The following HACE1 variants were observed in gnomAD, a reference collection of about 807,000 sequenced individuals.
HACE1 encodes the protein E3 ubiquitin-protein ligase HACE1.
HACE1 carries 73 observed loss-of-function variants against 118.4 expected under a neutral mutation model. The ratio of observed to expected loss-of-function variants is 0.62; its 90% CI spans 0.51 to 0.75. The LOEUF is 0.75. Among genes scored for constraint, HACE1 ranks in the 30% least tolerant of loss-of-function variants. The probability of loss-of-function intolerance (pLI) is 0.00; values close to 1 mark genes in which losing one functional copy is unlikely to be tolerated. For missense variants in HACE1, 749 were observed against 1,102.2 expected, an observed-to-expected ratio of 0.68 and a Z score of 4.54; for synonymous variants, 368 against 374.8, an observed-to-expected ratio of 0.98 and a Z score of 0.21.
chr6:104,771,393 A>G lies in HACE1; in HGVS notation c.2015-4T>C, dbSNP rs1218289355. 1 of 1,599,690 alleles carries G rather than the reference A, an allele frequency of 6.3e-7. No individual in the cohort carries two copies. The highest frequency in any genetic ancestry group is 1.1e-5 in the South Asian group (1 of 90,684). On this transcript the variant is annotated splice_polypyrimidine_tract_variant and splice_region_variant and intron_variant, in intron 18 of 23. Transcript: ENST00000262903. ...TCTTGGTAATTTACAGGAATACCTA[A>G]AAAATGCAAACATACAGCAGTTATA...
At chr6:104,738,120 A>C (rs1776148063) in intron 22 of HACE1, among the ~76,000 whole-genome samples, 1 of 151,660 alleles carries the variant, frequency 6.6e-6, no homozygotes, top group Non-Finnish European at 1.5e-5. Context: ...GTCTGTTAGA[A>C]GGAAAACTAA....
chr6:104,857,703 C>A (rs1776867110), intron 1 of HACE1, among the ~76,000 whole-genome samples: 2 of 150,770 alleles, frequency 1.3e-5, no homozygotes, highest in South Asian at 4.2e-4. Context: ...CGCCTGTAAT[C>A]CCCCAGCACT....
chr6:104,810,453 C>T (rs1338884760), intron 7 of HACE1, among the ~76,000 whole-genome samples: 2 of 151,932 alleles, frequency 1.3e-5, no homozygotes, highest in Non-Finnish European at 2.9e-5. Flanking sequence ...TTCTGGAGAG[C>T]TCTATATCGG....
Position 104,777,270 on chromosome 6 carries a change from T to C in HACE1, c.1614A>G (p.Gly538=). The C allele has an allele frequency of 6.2e-7, 1 of 1,613,880 alleles. No homozygotes were observed. Among genetic ancestry groups the C allele is most frequent in the Non-Finnish European group, 8.5e-7 (1 of 1,179,730 alleles). Residue 538 remains glycine, a synonymous_variant, in exon 15 of 24, where the codon GGA becomes GGG. Coordinates refer to ENST00000262903, the MANE Select transcript of HACE1 (RefSeq NM_020771.4). ...TGTGCACCATATCTGAATCTGGCTG[T>C]CCTGAATGCAAATGTTCATAGAACC... is the stretch of plus-strand genomic sequence containing the variant. ...CEWFYEHLHS[G]QPDSDMVHRP...
intron 6 of HACE1, among the ~76,000 whole-genome samples, chr6:104,828,519 A>C (rs990903213): frequency 1.3e-5 from 2 of 152,014 alleles, no homozygotes; most frequent in Non-Finnish European, 2.9e-5. Flanking sequence ...GGAGTTTAAC[A>C]GTTGATCTAA....
rs1195068546 is a variant in HACE1, at chr6:104,859,668, C to G, written c.-26G>C. 14 of 1,524,096 alleles carry G rather than the reference C, an allele frequency of 9.2e-6. No homozygotes were observed. The highest frequency in any genetic ancestry group is 1.2e-5 in the Non-Finnish European group (14 of 1,138,260). 94.4% of individuals were successfully genotyped at this position (1,524,096 alleles called of 1,614,324 possible). ...CCTCGGCGCGCCCTCCGCGATCCTC[C>G]GCGATCAGCCGCCCCACCGGCGGCC... On this transcript the variant is annotated 5_prime_UTR_variant, in exon 1 of 24. Coordinates refer to ENST00000262903, the MANE Select transcript of HACE1 (RefSeq NM_020771.4).
At chr6:104,831,986 GGA>G (rs1562471345) in intron 6 of HACE1, among the ~76,000 whole-genome samples, 1,383 of 36,266 alleles carry the variant, frequency 0.038, 7 homozygotes, top group Non-Finnish European at 0.053. Context: ...AAGAGAGGAA[GGA>G]AGGAAGGAAG....
At chr6:104,844,959 C>T (rs1428095284) in intron 4 of HACE1, among the ~76,000 whole-genome samples, 1 of 152,120 alleles carries the variant, frequency 6.6e-6, no homozygotes, top group Non-Finnish European at 1.5e-5. Context: ...CCACCACACC[C>T]GGCCCCCATC....
chr6:104,776,699 G>T (rs777984024), intron 17 of HACE1, 42 bp downstream of exon 17: 11 of 1,117,096 alleles, frequency 9.8e-6, no homozygotes, highest in Non-Finnish European at 1.2e-5. Context: ...TGTGAAAAAT[G>T]TGACAAGTTG....
intron 1 of HACE1, among the ~76,000 whole-genome samples, chr6:104,854,589 T>C (rs1036979736): frequency 6.6e-6 from 1 of 152,050 alleles, no homozygotes; most frequent in Admixed American, 6.6e-5. Context: ...GTAGTCCTTA[T>C]CTGGATAGTG....
chr6:104,850,834 G>A, intron 3 of HACE1, 73 bp downstream of exon 3: 1 of 918,456 alleles, frequency 1.1e-6, no homozygotes, highest in South Asian at 1.3e-5. Flanking sequence ...GAAATATTGT[G>A]TGATAATGCT....
At chr6:104,771,647 T>C (rs926913347) in intron 18 of HACE1, among the ~76,000 whole-genome samples, 2 of 149,988 alleles carry the variant, frequency 1.3e-5, no homozygotes, top group African/African-American at 4.9e-5. Context: ...ATGCCAATTA[T>C]CTTAAGTATA....
intron 6 of HACE1, among the ~76,000 whole-genome samples, chr6:104,824,299 G>A (rs1011504116): frequency 6.6e-6 from 1 of 152,148 alleles, no homozygotes; most frequent in Non-Finnish European, 1.5e-5. Flanking sequence ...ACACACATAC[G>A]ATATTGAGAT....
intron 10 of HACE1, among the ~76,000 whole-genome samples, chr6:104,792,892 A>T (rs767008500): frequency 2.0e-5 from 3 of 152,164 alleles, no homozygotes; most frequent in Admixed American, 6.5e-5. Context: ...AATAAATACC[A>T]AGGGCTGCAG....
intron 6 of HACE1, among the ~76,000 whole-genome samples, chr6:104,829,238 C>G (rs1187527689): frequency 1.3e-5 from 2 of 152,110 alleles, no homozygotes; most frequent in Non-Finnish European, 2.9e-5. Flanking sequence ...ATTATACACT[C>G]AGTGTTCAAC....
At position 104,859,757 on chromosome 6, in the gene HACE1, C is replaced by T. The variant is rs1777135775; in HGVS notation, c.-115G>A. ...AGCAGGCGGAGACGCGGGCTTGCCCCGGCTAGAGCACTGAGCTGCGAGGGC... is the reference window on the plus strand; with the variant it reads ...AGCAGGCGGAGACGCGGGCTTGCCCTGGCTAGAGCACTGAGCTGCGAGGGC... On this transcript the variant is annotated 5_prime_UTR_variant, in exon 1 of 24. Transcript: ENST00000262903. The T allele has an allele frequency of 1.0e-6, 1 of 991,858 alleles. No individual in the cohort carries two copies. The highest frequency in any genetic ancestry group is 2.3e-5 in the Admixed American group (1 of 42,848). The allele number at this position is 991,858 out of a possible 1,614,324, so 61.4% of individuals were successfully genotyped here. A position where few individuals can be genotyped will look rare whatever the true frequency, so the allele number is the denominator to read the frequency against.
intron 1 of HACE1, among the ~76,000 whole-genome samples, chr6:104,852,970 C>A (rs1776389610): frequency 6.6e-6 from 1 of 152,162 alleles, no homozygotes; most frequent in Admixed American, 6.5e-5. Flanking sequence ...ACTTTACTCA[C>A]AACATTTTTA....
chr6:104,792,342 T>C (rs985973211), intron 10 of HACE1, among the ~76,000 whole-genome samples: 4 of 152,216 alleles, frequency 2.6e-5, no homozygotes, highest in Admixed American at 2.6e-4. Flanking sequence ...AACTCACTTT[T>C]ACTGATCAGA....
At chr6:104,810,265 C>T (rs1286119675) in intron 7 of HACE1, among the ~76,000 whole-genome samples, 2 of 151,966 alleles carry the variant, frequency 1.3e-5, no homozygotes, top group South Asian at 2.1e-4. Flanking sequence ...AGTCTAGAAA[C>T]CCAGAAGCCC....
Sources: gnomAD v4.1 joint callset for allele counts (sites outside exome capture counted in the v4.1 genomes callset) on GRCh38, gnomAD v4.1.1 for gene constraint, MANE v1.5 for transcripts, NCBI Gene and HGNC (gene_info 2026-07-23, HGNC 2026-07-21) for gene names.